Variants in CIB1 observed in about 807,000 individuals in gnomAD.
CIB1 encodes calcium and integrin binding 1, also known as calcium and integrin-binding protein 1.
In CIB1, 19 loss-of-function variants were observed where a neutral mutation model predicts 25.0. The observed-to-expected ratio is 0.76, with a 90% CI of 0.53 to 1.12. The LOEUF is 1.12. Among genes scored for constraint, CIB1 ranks in the 50% most tolerant of loss-of-function variants. The pLI is 0.00. For synonymous variants in CIB1, 104 were observed against 98.5 expected, an observed-to-expected ratio of 1.06 and a Z score of -0.33; for missense variants, 236 against 242.6, an observed-to-expected ratio of 0.97 and a Z score of 0.18.
the CIB1 span, chr15:90,243,191 T>C: frequency 6.6e-6 from 1 of 152,224 alleles, no homozygotes; most frequent in African/African-American, 2.4e-5. Context: ...TCACCACTTA[T>C]TTTTATTGCT....
At chr15:90,234,742 C>G (rs557661280), upstream of CIB1, 1 of 152,274 alleles carries the variant, frequency 6.6e-6, no homozygotes, top group African/African-American at 2.4e-5. Flanking sequence ...TCCAGCTGAC[C>G]TGCCGTCCTT....
chr15:90,260,016 A>G, the CIB1 span, among the ~76,000 whole-genome samples: 1 of 152,314 alleles, frequency 6.6e-6, no homozygotes, highest in South Asian at 2.1e-4. Context: ...GGGACACCGT[A>G]AGCACTCAGA....
the CIB1 span, among the ~76,000 whole-genome samples, chr15:90,248,419 C>G: frequency 3.9e-5 from 6 of 152,004 alleles, no homozygotes; most frequent in Non-Finnish European, 7.4e-5. Flanking sequence ...TAGAGAATGT[C>G]CATGCCTTTT....
At chr15:90,233,955 GGCCGCGTCACTGCCCGGTC>G, upstream of CIB1, 2 of 1,425,690 alleles carry the variant, frequency 1.4e-6, no homozygotes, top group South Asian at 3.0e-5. Context: ...TCCGCCCTTG[GGCCGCGTCACTGCCCGGTC>G]CCCGCGGCAA....
chr15:90,258,578 A>G, the CIB1 span: 5 of 640,928 alleles, frequency 7.8e-6, no homozygotes, highest in Non-Finnish European at 1.4e-5. Flanking sequence ...TGTGAATTGG[A>G]GATCTCTATG....
the CIB1 span, chr15:90,265,281 G>A: frequency 5.7e-6 from 7 of 1,235,056 alleles, no homozygotes; most frequent in South Asian, 1.3e-4. Flanking sequence ...GGGGCTGGAG[G>A]CCATCCAGGA....
the CIB1 span, chr15:90,249,430 C>G: frequency 6.6e-6 from 1 of 152,212 alleles, no homozygotes; most frequent in Non-Finnish European, 1.5e-5. Flanking sequence ...CGCTGTCTCC[C>G]CCACCCAAGG....
At chr15:90,265,405 G>C in the CIB1 span, 1 of 1,267,060 alleles carries the variant, frequency 7.9e-7, no homozygotes, top group East Asian at 4.1e-5. Context: ...AGGCAGGCCT[G>C]GGCAGCCGCT....
intron 2 of CIB1, 199 bp from the exon 3 acceptor site, chr15:90,232,526 G>C: frequency 1.4e-6 from 1 of 698,302 alleles, no homozygotes; most frequent in Admixed American, 3.9e-5. Context: ...CTTGCAATGA[G>C]TATTTACTGA....
the CIB1 span, chr15:90,262,170 A>G: frequency 6.5e-7 from 1 of 1,534,890 alleles, no homozygotes; most frequent in East Asian, 2.4e-5. Flanking sequence ...GCTGCTTCCA[A>G]GGCCAGAGAG....
At position 90,233,669 on chromosome 15, in the gene CIB1, A is replaced by T. The variant is rs532089790; in HGVS notation, c.86T>A (p.Leu29Gln). The T allele has an allele frequency of 6.3e-6, 10 of 1,577,772 alleles. No homozygotes were observed. In the African/African-American group the frequency reaches 1.1e-4, roughly 17 times the overall value. Residue 29 changes from leucine (L) to glutamine (Q), a missense_variant and splice_region_variant, in exon 2 of 7, where the codon CTA becomes CAA. Transcript: ENST00000328649. ...AGGCAGGGTTCAAGGCAGCACTTAC[A>T]GGAGGATCTCCTGCTTCGTCAGGAA... ...LTFLTKQEILLAHRRFCELLP... is the reference protein window; with the variant it reads ...LTFLTKQEILQAHRRFCELLP...
the CIB1 span, chr15:90,263,218 C>A: frequency 7.4e-7 from 1 of 1,349,770 alleles, no homozygotes; most frequent in South Asian, 1.5e-5. Context: ...GTGTTGGTCT[C>A]AACAAAGGAG....
the CIB1 span, among the ~76,000 whole-genome samples, chr15:90,248,718 CAAAAAAAAAAAAAAAAAAA>C: frequency 4.1e-3 from 115 of 27,790 alleles, 2 homozygotes; most frequent in African/African-American, 0.013. Flanking sequence ...GACCCTGTCT[CAAAAAAAAAAAAAAAAAAA>C]AAAAAAAAAA....
chr15:90,258,137 A>G, the CIB1 span: 1 of 1,614,076 alleles, frequency 6.2e-7, no homozygotes, highest in Non-Finnish European at 8.5e-7. Flanking sequence ...CCATCATCTC[A>G]GCCCATTCTG....
chr15:90,265,570 A>T, the CIB1 span: 6 of 1,383,882 alleles, frequency 4.3e-6, no homozygotes, highest in Admixed American at 6.9e-5. Flanking sequence ...GAGCAGCGTG[A>T]GCCCAGATCT....
chr15:90,233,667 AC>A lies in CIB1; in HGVS notation c.86+1del. On this transcript the variant is annotated splice_donor_variant, in intron 2 of 6. Transcript: ENST00000328649. LOFTEE classifies it high-confidence loss of function. ...GGAGGCAGGGTTCAAGGCAGCACTT[AC>A]AGGAGGATCTCCTGCTTCGTCAGGA... The A allele has an allele frequency of 6.3e-7, 1 of 1,577,214 alleles. No homozygotes were observed. Among genetic ancestry groups the A allele is most frequent in the Non-Finnish European group, 8.6e-7 (1 of 1,161,180 alleles).
chr15:90,265,669 G>A, the CIB1 span: 1 of 1,607,418 alleles, frequency 6.2e-7, no homozygotes. Flanking sequence ...GGCTACTTCC[G>A]CTGCTGTTTC....
chr15:90,265,168 G>A, the CIB1 span: 1 of 1,270,700 alleles, frequency 7.9e-7, no homozygotes, highest in Non-Finnish European at 1.0e-6. Context: ...GTAAAGACTA[G>A]AAGATGAAGA....
chr15:90,231,895 C>T (rs74037066), intron 3 of CIB1, among the ~76,000 whole-genome samples: 4,002 of 152,314 alleles, frequency 0.026, 167 homozygotes, highest in African/African-American at 0.088. Context: ...AGAAATTTTG[C>T]AGCAGCCTTA....
Sources: gnomAD v4.1 joint callset for allele counts (sites outside exome capture counted in the v4.1 genomes callset) on GRCh38, gnomAD v4.1.1 for gene constraint, MANE v1.5 for transcripts, NCBI Gene and HGNC (gene_info 2026-07-23, HGNC 2026-07-21) for gene names.